The following ROBO1 variants were observed in gnomAD, a reference collection of about 807,000 sequenced individuals.
ROBO1 encodes roundabout guidance receptor 1.
A neutral mutation model predicts 195.9 loss-of-function variants in ROBO1; 149 were observed. The ratio of observed to expected loss-of-function variants is 0.76; its 90% CI spans 0.67 to 0.87. ROBO1 has a LOEUF of 0.87. ROBO1 is among the 40% of genes least tolerant of loss of function. The pLI is 0.00. For synonymous variants in ROBO1, 816 were observed against 733.2 expected, an observed-to-expected ratio of 1.11 and a Z score of -1.82; for missense variants, 1,933 against 2,068.3, an observed-to-expected ratio of 0.93 and a Z score of 1.27.
intron 2 of ROBO1, among the ~76,000 whole-genome samples, chr3:79,423,350 G>A (rs1348679827): frequency 6.6e-6 from 1 of 152,110 alleles, no homozygotes; most frequent in Non-Finnish European, 1.5e-5. Context: ...GAAACTTTGA[G>A]TTATGCATTG....
intron 2 of ROBO1, among the ~76,000 whole-genome samples, chr3:79,295,730 T>A (rs2032553304): frequency 6.6e-6 from 1 of 152,178 alleles, no homozygotes; most frequent in Non-Finnish European, 1.5e-5. Flanking sequence ...TTATTTTGTT[T>A]CAGTGTTACA....
At chr3:79,155,686 A>T (rs2080846697) in intron 2 of ROBO1, among the ~76,000 whole-genome samples, 1 of 151,810 alleles carries the variant, frequency 6.6e-6, no homozygotes, top group East Asian at 2.0e-4. Flanking sequence ...AGGTCCAGAC[A>T]TTACTCCTGT....
intron 4 of ROBO1, among the ~76,000 whole-genome samples, chr3:78,932,914 A>G (rs1311447273): frequency 6.6e-6 from 1 of 152,130 alleles, no homozygotes; most frequent in East Asian, 1.9e-4. Context: ...GATTTTTGTA[A>G]GCTTATAAAT....
At chr3:79,183,117 A>C (rs2081376522) in intron 2 of ROBO1, among the ~76,000 whole-genome samples, 1 of 151,638 alleles carries the variant, frequency 6.6e-6, no homozygotes, top group Non-Finnish European at 1.5e-5. Context: ...AGAGAAATTA[A>C]TTCCTTACAC....
intron 1 of ROBO1, among the ~76,000 whole-genome samples, chr3:79,637,746 A>G (rs531852526): frequency 3.3e-5 from 5 of 152,256 alleles, no homozygotes; most frequent in Admixed American, 2.0e-4. Flanking sequence ...TTACAGCATG[A>G]CTTTAGAAAG....
chr3:78,842,184 T>C (rs1357941632), intron 4 of ROBO1, among the ~76,000 whole-genome samples: 2 of 135,606 alleles, frequency 1.5e-5, no homozygotes, highest in African/African-American at 5.5e-5. Context: ...TATATATATA[T>C]ATTTATATGA....
At chr3:78,953,704 A>T (rs1388455626) in intron 3 of ROBO1, among the ~76,000 whole-genome samples, 3 of 152,018 alleles carry the variant, frequency 2.0e-5, no homozygotes, top group African/African-American at 7.2e-5. Flanking sequence ...TAGAGACTGG[A>T]TTCAGATGGT....
At chr3:78,729,972 G>T (rs773317327) in intron 5 of ROBO1, among the ~76,000 whole-genome samples, 5 of 152,044 alleles carry the variant, frequency 3.3e-5, no homozygotes, top group Non-Finnish European at 5.9e-5. Flanking sequence ...ACAAAACCAG[G>T]TTTGCTTTTT....
chr3:79,448,334 T>G (rs2039333949), intron 2 of ROBO1, among the ~76,000 whole-genome samples: 1 of 152,158 alleles, frequency 6.6e-6, no homozygotes, highest in Admixed American at 6.5e-5. Flanking sequence ...TAGCAAGAAG[T>G]TTTCTCTAAA....
At chr3:79,561,694 G>A (rs1942926047) in intron 2 of ROBO1, among the ~76,000 whole-genome samples, 3 of 152,156 alleles carry the variant, frequency 2.0e-5, no homozygotes, top group African/African-American at 7.2e-5. Flanking sequence ...TGGGTGGTGA[G>A]TTGCTGCATC....
Position 79,584,068 on chromosome 3 carries a change from A to T in ROBO1, c.88+5756T>A, listed in dbSNP as rs1184462858. Among the ~76,000 whole-genome samples the T allele has an allele frequency of 2.6e-5, 4 of 151,904 alleles. No individual in the cohort carries two copies. In the East Asian group the frequency reaches 7.7e-4, roughly 29 times the overall value. On this transcript the variant is annotated intron_variant, in intron 2 of 30. Transcript: ENST00000464233. ...AACAATTTATTGCTAACAATTTAGAAATTAATTCAAATAAGCTCTCAACCT... is the reference window on the plus strand; with the variant it reads ...AACAATTTATTGCTAACAATTTAGATATTAATTCAAATAAGCTCTCAACCT...
chr3:79,724,617 C>A (rs953928188), intron 1 of ROBO1, among the ~76,000 whole-genome samples: 5 of 152,150 alleles, frequency 3.3e-5, no homozygotes, highest in African/African-American at 1.2e-4. Flanking sequence ...CAACAGCTGG[C>A]AAGAAACTGA....
intron 2 of ROBO1, among the ~76,000 whole-genome samples, chr3:79,174,985 G>A (rs1419574283): frequency 1.3e-5 from 2 of 151,764 alleles, no homozygotes; most frequent in Non-Finnish European, 2.9e-5. Context: ...ATAAAACCAA[G>A]GTAGAAAAAA....
intron 4 of ROBO1, among the ~76,000 whole-genome samples, chr3:78,901,311 G>A (rs552490081): frequency 6.6e-6 from 1 of 152,054 alleles, no homozygotes; most frequent in Admixed American, 6.6e-5. Context: ...ATATCATCAG[G>A]AATTTTCATT....
intron 8 of ROBO1, among the ~76,000 whole-genome samples, chr3:78,708,626 C>T (rs1470782575): frequency 1.3e-5 from 2 of 152,016 alleles, no homozygotes; most frequent in Non-Finnish European, 2.9e-5. Context: ...AAAAACAAAC[C>T]TGCAACCATT....
intron 4 of ROBO1, among the ~76,000 whole-genome samples, chr3:78,799,488 C>CCG (rs1365381412): frequency 2.9e-4 from 44 of 152,096 alleles, no homozygotes; most frequent in Admixed American, 7.9e-4. Flanking sequence ...ACTACAGGCG[C>CCG]CCACCACCAT....
chr3:78,883,288 T>G (rs187052178), intron 4 of ROBO1, among the ~76,000 whole-genome samples: 1 of 152,248 alleles, frequency 6.6e-6, no homozygotes, highest in East Asian at 1.9e-4. Context: ...TTAGTATACT[T>G]GTAAAATGTA....
At chr3:79,553,809 G>A (rs1942606721) in intron 2 of ROBO1, among the ~76,000 whole-genome samples, 1 of 152,074 alleles carries the variant, frequency 6.6e-6, no homozygotes, top group Non-Finnish European at 1.5e-5. Context: ...GAAACCAAGA[G>A]ATCTGTCTGG....
intron 2 of ROBO1, among the ~76,000 whole-genome samples, chr3:79,141,567 G>GTTTTTTTTT (rs11315738): frequency 7.2e-6 from 1 of 139,412 alleles, no homozygotes. Context: ...TGCTGTTGTT[G>GTTTTTTTTT]TTTTTTTTTT....
Sources: allele counts gnomAD v4.1 joint callset (sites outside exome capture counted in the v4.1 genomes callset), GRCh38; gene constraint gnomAD v4.1.1; transcripts MANE v1.5; gene names NCBI Gene and HGNC (gene_info 2026-07-23, HGNC 2026-07-21).